Variants in RNF125 observed in about 807,000 individuals in gnomAD.
The protein encoded by RNF125 is ring finger protein 125.
Under a neutral mutation model 26.0 loss-of-function variants are expected in RNF125, and 21 were observed. The observed-to-expected ratio is 0.81, with a 90% CI of 0.57 to 1.16. The LOEUF (loss-of-function observed/expected upper bound fraction) is 1.16, where lower values mean the gene tolerates loss of function less well. Among genes scored for constraint, RNF125 ranks in the 50% most tolerant of loss-of-function variants. The pLI, the probability that RNF125 is intolerant of heterozygous loss-of-function variation, is 0.00. For missense variants in RNF125, 270 were observed against 299.4 expected (o/e 0.90, Z 0.72); for synonymous variants, 95 against 109.2 (o/e 0.87, Z 0.81).
At chr18:32,031,631 G>A (rs898848972) in intron 1 of RNF125, among the ~76,000 whole-genome samples, 3 of 151,884 alleles carry the variant, frequency 2.0e-5, no homozygotes, top group African/African-American at 7.3e-5. Flanking sequence ...TGTGAGTTGA[G>A]CATTTGAACC....
At chr18:32,053,029 C>T (rs1277841364) in intron 4 of RNF125, among the ~76,000 whole-genome samples, 1 of 152,166 alleles carries the variant, frequency 6.6e-6, no homozygotes, top group Non-Finnish European at 1.5e-5. Context: ...ATCAGTCACG[C>T]ACAGACTTTA....
chr18:32,037,253 C>A lies in RNF125; in HGVS notation c.302C>A (p.Ala101Asp). 1 of 1,583,026 alleles carries A rather than the reference C, an allele frequency of 6.3e-7. No homozygotes were observed. Among genetic ancestry groups the A allele is most frequent in the Non-Finnish European group, 8.6e-7 (1 of 1,167,990 alleles). ...KRMKSEYKNC[A>D]ECDTLVCLSE... ...ATGAAATCAGAGTATAAGAACTGCG[C>A]TGAGTGTGACACCCTGGTATGTATG... The change falls in exon 2 of 6, where the codon GCT becomes GAT. Residue 101 changes from alanine (A) to aspartate (D), a missense_variant. Transcript: ENST00000217740.
intron 1 of RNF125, among the ~76,000 whole-genome samples, chr18:32,031,897 C>T (rs2039100419): frequency 6.6e-6 from 1 of 151,894 alleles, no homozygotes; most frequent in African/African-American, 2.4e-5. Flanking sequence ...AGTTCAAGCA[C>T]TTTCTTTTTT....
chr18:32,050,875 T>C (rs928522726), intron 4 of RNF125, among the ~76,000 whole-genome samples: 1 of 114,666 alleles, frequency 8.7e-6, no homozygotes, highest in Non-Finnish European at 1.7e-5. Flanking sequence ...CTTTTTTTTT[T>C]TTTTTTTTTT....
intron 1 of RNF125, among the ~76,000 whole-genome samples, chr18:32,021,960 G>A (rs1277122901): frequency 1.3e-5 from 2 of 152,106 alleles, no homozygotes; most frequent in Non-Finnish European, 2.9e-5. Flanking sequence ...CTGGCTGTGG[G>A]CAGAATTTCC....
chr18:32,029,632 T>A (rs1012138405), intron 1 of RNF125, among the ~76,000 whole-genome samples: 7 of 132,462 alleles, frequency 5.3e-5, no homozygotes, highest in East Asian at 2.1e-4. Context: ...AAAAAAAAAA[T>A]GATTTACATT....
rs1185991487 is a variant in RNF125, at chr18:32,073,102, C to T, written c.*4718C>T. The T allele has an allele frequency of 2.0e-5, 3 of 152,200 alleles. No homozygotes were observed. The East Asian group carries it at 5.8e-4, about 29-fold the overall frequency. 9.4% of individuals were successfully genotyped at this position (152,200 alleles called of 1,614,324 possible). A position where few individuals can be genotyped will look rare whatever the true frequency, so the allele number is the denominator to read the frequency against. On this transcript the variant is annotated 3_prime_UTR_variant, in exon 6 of 6. Coordinates refer to ENST00000217740, the MANE Select transcript of RNF125 (RefSeq NM_017831.4). The stretch of plus-strand genomic sequence containing the variant: ...AACTACAAAAAAATAGTGTAATGAT[C>T]AGAATTTAAAATGTGTGATTCTTTT...
intron 1 of RNF125, among the ~76,000 whole-genome samples, chr18:32,027,480 A>T (rs7231175): frequency 0.1 from 15,513 of 152,160 alleles, 809 homozygotes; most frequent in African/African-American, 0.11. Context: ...AAACCAATAC[A>T]AGAACTAATT....
At chr18:32,045,420 G>A (rs930195589) in intron 3 of RNF125, among the ~76,000 whole-genome samples, 3 of 151,198 alleles carry the variant, frequency 2.0e-5, no homozygotes, top group African/African-American at 7.3e-5. Context: ...TTAACCTGGT[G>A]TGGTGGTGGG....
intron 4 of RNF125, among the ~76,000 whole-genome samples, chr18:32,060,456 T>C (rs2039424362): frequency 6.6e-6 from 1 of 152,176 alleles, no homozygotes; most frequent in African/African-American, 2.4e-5. Flanking sequence ...TCTAATATGG[T>C]AGCTATTATT....
chr18:32,065,901 G>A lies in RNF125; in HGVS notation c.505-1G>A, dbSNP rs769213914. ...GAACCCCTGGTCTTGTTTGTTTCCA[G>A]TTCTGTCCACTTTGCCGTTTAATAC... On this transcript the variant is annotated splice_acceptor_variant, in intron 4 of 5. Coordinates refer to ENST00000217740, the MANE Select transcript of RNF125 (RefSeq NM_017831.4). LOFTEE classifies it high-confidence loss of function. The A allele has an allele frequency of 3.7e-6, 6 of 1,603,360 alleles. No homozygotes were observed. In the Admixed American group the frequency reaches 1.0e-4, roughly 27 times the overall value.
intron 5 of RNF125, 93 bp from the exon 6 acceptor site, chr18:32,068,205 C>T (rs1568210402): frequency 4.5e-6 from 3 of 666,006 alleles, no homozygotes; most frequent in Non-Finnish European, 7.8e-6. Flanking sequence ...ACTTTAGTTC[C>T]CTACAAAATG....
chr18:32,037,037 G>T, intron 1 of RNF125, 79 bp from the exon 2 acceptor site: 3 of 1,341,256 alleles, frequency 2.2e-6, no homozygotes, highest in Non-Finnish European at 1.0e-6. Flanking sequence ...TTAAATTACA[G>T]TTTACACAAA....
chr18:32,058,419 C>T (rs1317064111), intron 4 of RNF125, among the ~76,000 whole-genome samples: 1 of 151,940 alleles, frequency 6.6e-6, no homozygotes, highest in Non-Finnish European at 1.5e-5. Flanking sequence ...GATCTTGGCT[C>T]ACTGTGACCT....
At chr18:32,090,014 G>A in the RNF125 span, among the ~76,000 whole-genome samples, 1 of 152,370 alleles carries the variant, frequency 6.6e-6, no homozygotes, top group South Asian at 2.1e-4. Context: ...GGGAGGCCAA[G>A]GTGGGCGGAT....
intron 1 of RNF125, 104 bp downstream of exon 1, chr18:32,019,131 A>C: frequency 1.4e-6 from 2 of 1,392,942 alleles, no homozygotes; most frequent in South Asian, 1.3e-5. Flanking sequence ...ACAGCCTCTT[A>C]GGAAATTGCT....
intron 1 of RNF125, among the ~76,000 whole-genome samples, chr18:32,020,139 C>T (rs1231985647): frequency 6.6e-6 from 1 of 151,968 alleles, no homozygotes; most frequent in Non-Finnish European, 1.5e-5. Flanking sequence ...CCTCCGCCTC[C>T]CAGGCTCAAG....
chr18:32,089,058 A>C, the RNF125 span, among the ~76,000 whole-genome samples: 1 of 152,168 alleles, frequency 6.6e-6, no homozygotes, highest in East Asian at 1.9e-4. Context: ...GGAGCCTGCC[A>C]TGTTGAGGGT....
Position 32,045,749 on chromosome 18 carries a change from C to CA in RNF125, c.504+18dup. 12 of 1,518,170 alleles carry CA rather than the reference C, an allele frequency of 7.9e-6. No homozygotes were observed. The highest frequency in any genetic ancestry group is 1.1e-5 in the Non-Finnish European group (12 of 1,095,326). The allele number at this position is 1,518,170 out of a possible 1,614,324, so 94.0% of individuals were successfully genotyped here. On this transcript the variant is annotated intron_variant, in intron 4 of 5. Transcript: ENST00000217740. ...AGGCCTGTGGTAAGGATTTTTGTTA[C>CA]ATGTATTACAGCAATGTCTGAATTC...
Sources: allele counts gnomAD v4.1 joint callset (sites outside exome capture counted in the v4.1 genomes callset), GRCh38; gene constraint gnomAD v4.1.1; transcripts MANE v1.5; gene names NCBI Gene and HGNC (gene_info 2026-07-23, HGNC 2026-07-21).